Variants in RBM6 observed in about 807,000 individuals in gnomAD.
RBM6 encodes the protein RNA binding motif protein 6.
Under a neutral mutation model 140.4 loss-of-function variants are expected in RBM6, and 23 were observed. The observed-to-expected ratio is 0.16, with a 90% CI of 0.12 to 0.23. RBM6 has a LOEUF of 0.23. RBM6 is among the 10% of genes least tolerant of loss of function. RBM6 has a pLI of 1.00. For missense variants in RBM6, 1,139 were observed against 1,386.7 expected (o/e 0.82, Z 2.84); for synonymous variants, 439 against 475.6 (o/e 0.92, Z 1.00).
chr3:49,998,333 G>A (rs966257950), intron 5 of RBM6, among the ~76,000 whole-genome samples: 1 of 152,084 alleles, frequency 6.6e-6, no homozygotes, highest in African/African-American at 2.4e-5. Context: ...TTATCATAGG[G>A]TTTTGTGTTT....
intron 5 of RBM6, among the ~76,000 whole-genome samples, chr3:49,995,102 T>C (rs2108723273): frequency 6.6e-6 from 1 of 152,324 alleles, no homozygotes; most frequent in South Asian, 2.1e-4. Flanking sequence ...ATCAGGGTTT[T>C]GTTTTGTGTA....
intron 6 of RBM6, among the ~76,000 whole-genome samples, chr3:50,020,763 T>G (rs2087435923): frequency 6.6e-6 from 1 of 152,208 alleles, no homozygotes; most frequent in African/African-American, 2.4e-5. Context: ...CTGTACAACT[T>G]GTTACCATAT....
chr3:50,023,578 G>A (rs2087632085), intron 6 of RBM6, among the ~76,000 whole-genome samples: 3 of 151,620 alleles, frequency 2.0e-5, no homozygotes, highest in Admixed American at 1.3e-4. Flanking sequence ...GTAGAATACC[G>A]TGTTTTAAAA....
intron 4 of RBM6, among the ~76,000 whole-genome samples, chr3:49,973,480 A>G (rs1382699470): frequency 6.6e-6 from 1 of 152,164 alleles, no homozygotes; most frequent in African/African-American, 2.4e-5. Context: ...AACACATGAG[A>G]AACTGGACAC....
At chr3:50,017,193 G>A (rs1276568661) in intron 6 of RBM6, among the ~76,000 whole-genome samples, 10 of 151,872 alleles carry the variant, frequency 6.6e-5, no homozygotes, top group Admixed American at 6.6e-4. Flanking sequence ...ATATTTTTTG[G>A]CAATTTTTTT....
chr3:49,970,845 T>G (rs2084756009), intron 3 of RBM6, among the ~76,000 whole-genome samples: 1 of 151,618 alleles, frequency 6.6e-6, no homozygotes, highest in Non-Finnish European at 1.5e-5. Context: ...GGAAGAAAAA[T>G]AAGGCCAGGC....
chr3:49,972,504 C>T (rs1575585250), intron 4 of RBM6, among the ~76,000 whole-genome samples: 1 of 152,074 alleles, frequency 6.6e-6, no homozygotes, highest in Non-Finnish European at 1.5e-5. Context: ...AGTTTATTTA[C>T]AATAGTAAAA....
intron 6 of RBM6, among the ~76,000 whole-genome samples, chr3:50,018,570 G>A (rs2087296696): frequency 7.0e-6 from 1 of 142,534 alleles, no homozygotes; most frequent in Non-Finnish European, 1.5e-5. Context: ...TGGATCGTAT[G>A]GTAGGAGTGT....
At chr3:50,050,292 G>A (rs62263580) in intron 7 of RBM6, among the ~76,000 whole-genome samples, 7,677 of 152,076 alleles carry the variant, frequency 0.05, 260 homozygotes, top group Non-Finnish European at 0.077. Context: ...GCCTATTCCG[G>A]ATATTTCATA....
At chr3:49,965,902 G>A (rs954171460) in intron 2 of RBM6, among the ~76,000 whole-genome samples, 2 of 152,110 alleles carry the variant, frequency 1.3e-5, no homozygotes, top group Non-Finnish European at 1.5e-5. Flanking sequence ...GAGATGGGTG[G>A]CTCACCTGAG....
At chr3:49,948,314 G>T (rs560069941) in intron 1 of RBM6, among the ~76,000 whole-genome samples, 1 of 152,226 alleles carries the variant, frequency 6.6e-6, no homozygotes, top group South Asian at 2.1e-4. Flanking sequence ...GATTGCCTGT[G>T]CTCAGGGGTT....
intron 19 of RBM6, among the ~76,000 whole-genome samples, chr3:50,071,252 A>G (rs111844308): frequency 2.0e-5 from 3 of 152,170 alleles, no homozygotes; most frequent in Admixed American, 1.3e-4. Flanking sequence ...CACTGCAGGT[A>G]TATTGTTGAG....
intron 5 of RBM6, among the ~76,000 whole-genome samples, chr3:49,991,325 G>A (rs967362245): frequency 6.6e-6 from 1 of 152,044 alleles, no homozygotes; most frequent in Admixed American, 6.6e-5. Flanking sequence ...TTGTTTTTAT[G>A]GAGGTCTCAT....
chr3:50,061,142 T>G lies in RBM6; in HGVS notation c.2274T>G (p.Gly758=), dbSNP rs1575846712. 1.2e-6 allele frequency: 2 copies of G among 1,614,114 alleles called. No homozygotes were observed. Residue 758 remains glycine, a splice_region_variant and synonymous_variant, in exon 13 of 21, where the codon GGT becomes GGG. Coordinates refer to ENST00000266022, the MANE Select transcript of RBM6 (RefSeq NM_005777.3). ...TTTAACTTGCCTTTCTGTGATAGGG[T>G]AAAAAATATTTCCGAGATAGGAGGG... ...DHSDHMHYYQ[G]KKYFRDRRGG... is the part of the protein sequence containing the mutation.
intron 7 of RBM6, 152 bp from the exon 8 acceptor site, chr3:50,054,183 A>G: frequency 3.1e-6 from 2 of 654,676 alleles, no homozygotes; most frequent in South Asian, 1.9e-5. Context: ...TGCCAGCTCT[A>G]ATCAGTGGGG....
chr3:50,025,401 T>C, intron 6 of RBM6, among the ~76,000 whole-genome samples: 1 of 151,404 alleles, frequency 6.6e-6, no homozygotes, highest in East Asian at 2.0e-4. Context: ...CCAGCCTGGG[T>C]GACAGAGCGA....
At chr3:50,032,777 A>AG (rs1393308913) in intron 6 of RBM6, among the ~76,000 whole-genome samples, 1 of 152,020 alleles carries the variant, frequency 6.6e-6, no homozygotes, top group African/African-American at 2.4e-5. Context: ...ACCTAAGGTC[A>AG]GAGTTCGAGA....
intron 6 of RBM6, among the ~76,000 whole-genome samples, chr3:50,031,790 G>A (rs1043725299): frequency 7.2e-5 from 11 of 152,084 alleles, no homozygotes; most frequent in African/African-American, 2.2e-4. Flanking sequence ...TGACTTAATT[G>A]TACATTTTAA....
At chr3:50,064,452 A>G (rs1236578401) in intron 15 of RBM6, among the ~76,000 whole-genome samples, 1 of 152,208 alleles carries the variant, frequency 6.6e-6, no homozygotes, top group Non-Finnish European at 1.5e-5. Context: ...ATGTTTATAT[A>G]TACATGCCTC....
Sources: allele counts gnomAD v4.1 joint callset (sites outside exome capture counted in the v4.1 genomes callset), GRCh38; gene constraint gnomAD v4.1.1; transcripts MANE v1.5; gene names NCBI Gene and HGNC (gene_info 2026-07-23, HGNC 2026-07-21).